Variants in PCDH11X observed in about 807,000 individuals in gnomAD.
PCDH11X encodes the protein protocadherin 11 X-linked, also known as protocadherin-11 X-linked.
PCDH11X carries 18 observed loss-of-function variants against 53.3 expected under a neutral mutation model. That is an observed-to-expected ratio of 0.34 (90% CI 0.23 to 0.50). The LOEUF is 0.50. Ranked by LOEUF, PCDH11X falls within the 20% of genes least tolerant of loss-of-function variation. The pLI is 0.98. For missense variants in PCDH11X, 570 were observed against 1,032.4 expected (o/e 0.55, Z 6.14); for synonymous variants, 279 against 393.3 (o/e 0.71, Z 3.44).
At chrX:92,371,980 ATATAT>A (rs762544137) in intron 8 of PCDH11X, among the ~76,000 whole-genome samples, 216 of 111,756 alleles carry the variant, frequency 1.9e-3, no homozygotes, top group African/African-American at 6.4e-3. Context: ...AATGTAAGAA[ATATAT>A]TATATGTCTA....
chrX:92,499,682 G>C (rs1369743785), intron 10 of PCDH11X, among the ~76,000 whole-genome samples: 9 of 54,306 alleles, frequency 1.7e-4, no homozygotes, highest in African/African-American at 5.6e-4. Flanking sequence ...AAAAAAAAAA[G>C]CTATCCAGGT....
At chrX:92,302,276 A>T (rs2755297) in intron 8 of PCDH11X, among the ~76,000 whole-genome samples, 1 of 111,104 alleles carries the variant, frequency 9.0e-6, no homozygotes, top group Non-Finnish European at 1.9e-5. Context: ...GGCTGCTCTC[A>T]TGTGTAACGG....
At chrX:92,550,924 T>A (rs2074942802) in intron 10 of PCDH11X, among the ~76,000 whole-genome samples, 3 of 109,698 alleles carry the variant, frequency 2.7e-5, no homozygotes, top group African/African-American at 9.9e-5. Context: ...GATCTCATTC[T>A]TTTTTATGGC....
At chrX:92,429,852 A>G (rs973863709) in intron 9 of PCDH11X, among the ~76,000 whole-genome samples, 1 of 90,197 alleles carries the variant, frequency 1.1e-5, no homozygotes, top group African/African-American at 3.9e-5. Flanking sequence ...TTCTTCCAAT[A>G]TAAGTTTTCT....
chrX:92,243,880 T>A (rs1317442517), intron 7 of PCDH11X, among the ~76,000 whole-genome samples: 1 of 111,906 alleles, frequency 8.9e-6, no homozygotes, highest in African/African-American at 3.2e-5. Context: ...CCTGTGGAGA[T>A]GAATGTGAAT....
At chrX:92,022,527 A>C (rs1055217034) in intron 6 of PCDH11X, among the ~76,000 whole-genome samples, 4 of 104,495 alleles carry the variant, frequency 3.8e-5, no homozygotes, top group Admixed American at 2.2e-4. Context: ...CAGATTCATA[A>C]AGCAAGTACT....
At chrX:92,034,215 G>A (rs1389034515) in intron 6 of PCDH11X, among the ~76,000 whole-genome samples, 4 of 111,365 alleles carry the variant, frequency 3.6e-5, no homozygotes, top group African/African-American at 6.5e-5. Flanking sequence ...AAAAGAATGC[G>A]TATTATGCAG....
At chrX:91,953,410 C>T (rs2524698) in intron 6 of PCDH11X, among the ~76,000 whole-genome samples, 7 of 110,732 alleles carry the variant, frequency 6.3e-5, no homozygotes, top group Non-Finnish European at 1.1e-4. Flanking sequence ...GGTATCAGAG[C>T]GATAATTTTA....
chrX:91,899,205 C>T lies in PCDH11X; in HGVS notation c.3033+19932C>T, dbSNP rs140935133. On this transcript the variant is annotated intron_variant, in intron 6 of 10. Transcript: ENST00000682573. ...CTCAACAGTAGGGAAGTCGACAGTG[C>T]AACCTTCAGTCTGTGGTCGAAGGTC... Among the ~76,000 whole-genome samples, 501 of 110,891 alleles carry T rather than the reference C, an allele frequency of 4.5e-3. 2 individuals are homozygous for T. Among genetic ancestry groups the T allele is most frequent in the African/African-American group, 0.016 (479 of 30,504 alleles).
At chrX:91,869,878 G>A (rs894054773) in intron 5 of PCDH11X, among the ~76,000 whole-genome samples, 1 of 111,777 alleles carries the variant, frequency 8.9e-6, no homozygotes, top group African/African-American at 3.2e-5. Flanking sequence ...GCGAGATAGA[G>A]AATGCAAGTG....
At chrX:92,408,105 G>C (rs1331046615) in intron 9 of PCDH11X, among the ~76,000 whole-genome samples, 1 of 110,560 alleles carries the variant, frequency 9.0e-6, no homozygotes, top group Non-Finnish European at 1.9e-5. Context: ...AGCTGGTCTC[G>C]AACTCCTGAC....
At chrX:92,429,186 C>G (rs1429646084) in intron 9 of PCDH11X, among the ~76,000 whole-genome samples, 3 of 111,445 alleles carry the variant, frequency 2.7e-5, no homozygotes, top group Non-Finnish European at 5.7e-5. Flanking sequence ...CTACCTGTAT[C>G]ATAAAGCCTA....
At chrX:91,942,648 A>G (rs2061524662) in intron 6 of PCDH11X, among the ~76,000 whole-genome samples, 1 of 111,222 alleles carries the variant, frequency 9.0e-6, no homozygotes, top group Non-Finnish European at 1.9e-5. Flanking sequence ...ATATAACACT[A>G]ATTCCATAAA....
chrX:92,104,865 T>C (rs780511973), intron 6 of PCDH11X, among the ~76,000 whole-genome samples: 1 of 109,278 alleles, frequency 9.2e-6, no homozygotes, highest in Admixed American at 9.8e-5. Context: ...AGATAAGAGG[T>C]TGGGGCGTGG....
intron 6 of PCDH11X, chrX:92,113,727 A>C: frequency 1.7e-6 from 2 of 1,200,823 alleles, no homozygotes; most frequent in South Asian, 3.5e-5. Flanking sequence ...ATTGGCGGAT[A>C]CCCTCCAGGG....
intron 8 of PCDH11X, among the ~76,000 whole-genome samples, chrX:92,321,491 C>T (rs940322798): frequency 1.8e-5 from 2 of 111,130 alleles, no homozygotes; most frequent in Non-Finnish European, 3.8e-5. Context: ...CCACCGCGCC[C>T]GGCCGTGTAA....
At chrX:92,012,597 G>A (rs761221290) in intron 6 of PCDH11X, among the ~76,000 whole-genome samples, 1 of 111,923 alleles carries the variant, frequency 8.9e-6, no homozygotes, top group African/African-American at 3.2e-5. Context: ...TACAATCAGT[G>A]TTAAACAAGT....
intron 4 of PCDH11X, among the ~76,000 whole-genome samples, chrX:91,813,560 C>T (rs1226343605): frequency 9.5e-6 from 1 of 105,654 alleles, no homozygotes; most frequent in Non-Finnish European, 1.9e-5. Flanking sequence ...TTCTTAGAAG[C>T]AGCTAATTGA....
chrX:92,364,914 C>CAAAAA (rs57977407), intron 8 of PCDH11X, among the ~76,000 whole-genome samples: 1 of 44,716 alleles, frequency 2.2e-5, no homozygotes, highest in African/African-American at 7.3e-5. Flanking sequence ...ACCCTTTCTA[C>CAAAAA]AAAAAAAAAA....
Sources: allele counts gnomAD v4.1 joint callset (sites outside exome capture counted in the v4.1 genomes callset), GRCh38; gene constraint gnomAD v4.1.1; transcripts MANE v1.5; gene names NCBI Gene and HGNC (gene_info 2026-07-23, HGNC 2026-07-21).